Variants in ZCCHC4 observed in about 807,000 individuals in gnomAD.
ZCCHC4 encodes zinc finger CCHC-type containing 4, also known as rRNA N(6)-adenosine-methyltransferase ZCCHC4.
A neutral mutation model predicts 67.7 loss-of-function variants in ZCCHC4; 54 were observed. The observed-to-expected ratio is 0.80, with a 90% CI of 0.64 to 1.00. The LOEUF (loss-of-function observed/expected upper bound fraction) is 1.00. Ranked by LOEUF, ZCCHC4 falls within the 50% of genes least tolerant of loss-of-function variation. ZCCHC4 has a pLI of 0.00. For missense variants in ZCCHC4, 609 were observed against 617.0 expected, an observed-to-expected ratio of 0.99 and a Z score of 0.14; for synonymous variants, 198 against 213.5, an observed-to-expected ratio of 0.93 and a Z score of 0.63.
chr4:25,364,482 T>C lies in ZCCHC4; in HGVS notation c.1238T>C (p.Leu413Pro). The change falls in exon 11 of 13, where the codon CTC (leucine) becomes CCC (proline). Residue 413 changes from leucine to proline, a missense_variant. Coordinates refer to ENST00000302874, the MANE Select transcript of ZCCHC4 (RefSeq NM_024936.3). ...KDGRKWNHCF[L>P]CKKCVKPSWI... ...GGCAGGAAATGGAACCATTGCTTTC[T>C]CTGTAAAAAGTGTGTAAAGCCTTGT... 1 of 1,549,030 alleles carries C rather than the reference T, an allele frequency of 6.5e-7. No individual in the cohort carries two copies. Among genetic ancestry groups the C allele is most frequent in the Non-Finnish European group, 8.7e-7 (1 of 1,153,192 alleles).
At position 25,339,507 on chromosome 4, in the gene ZCCHC4, A is replaced by T. The variant is rs539529241; in HGVS notation, c.686+5519A>T. ...TTGAGGTTTTGTTTTGTATTCCATGATGGCTAGTAATGTTAAGCATCTTTT... is the reference window on the plus strand; with the variant it reads ...TTGAGGTTTTGTTTTGTATTCCATGTTGGCTAGTAATGTTAAGCATCTTTT... On this transcript the variant is annotated intron_variant, in intron 5 of 12. Transcript: ENST00000302874. Among the ~76,000 whole-genome samples, 150 of 152,268 alleles carry T rather than the reference A, an allele frequency of 9.9e-4. 1 individual carries two copies. Among genetic ancestry groups the T allele is most frequent in the African/African-American group, 3.4e-3 (141 of 41,542 alleles).
intron 8 of ZCCHC4, among the ~76,000 whole-genome samples, chr4:25,356,967 A>T (rs908029203): frequency 1.3e-5 from 2 of 152,202 alleles, no homozygotes; most frequent in African/African-American, 4.8e-5. Flanking sequence ...CACTAAATTC[A>T]TGACCAGCCG....
rs764899541 is a variant in ZCCHC4 at position 25,359,763 on chromosome 4, C to T, written c.1012-2096C>T. Among the ~76,000 whole-genome samples the T allele has an allele frequency of 5.3e-5, 8 of 152,212 alleles. No homozygotes were observed. Among genetic ancestry groups the T allele is most frequent in the African/African-American group, 7.2e-5 (3 of 41,458 alleles). Reference sequence around the variant, plus strand: ...CCCAAGCAGGAGAAGAATGTTTCTGCGCGACCTGGTCCCACCCTGGCACTC... The same window carrying T: ...CCCAAGCAGGAGAAGAATGTTTCTGTGCGACCTGGTCCCACCCTGGCACTC... On this transcript the variant is annotated intron_variant, in intron 8 of 12. Coordinates refer to ENST00000302874, the MANE Select transcript of ZCCHC4 (RefSeq NM_024936.3). The surrounding 1 kb of genome is among the most constrained non-coding windows in gnomAD (Gnocchi z 4.9).
Position 25,369,459 on chromosome 4 carries a change from A to T in ZCCHC4, c.*295A>T, listed in dbSNP as rs1323059615. 9.8e-6 allele frequency: 3 copies of T among 305,566 alleles called. No individual in the cohort carries two copies. The highest frequency in any genetic ancestry group is 6.8e-5 in the African/African-American group (3 of 44,018). 18.9% of individuals were successfully genotyped at this position (305,566 alleles called of 1,614,324 possible). On this transcript the variant is annotated 3_prime_UTR_variant, in exon 13 of 13. Transcript: ENST00000302874. The stretch of plus-strand genomic sequence containing the variant: ...TATGTTTTCATTTTTTTTGAGATGG[A>T]GTCTTGCTCTGTCTCCCAGGCTAGA...
At chr4:25,363,894 A>G (rs1382006538) in intron 10 of ZCCHC4, among the ~76,000 whole-genome samples, 1 of 152,184 alleles carries the variant, frequency 6.6e-6, no homozygotes, top group Non-Finnish European at 1.5e-5. Flanking sequence ...TAGTAGGAGC[A>G]TGGGGCAGTT....
At chr4:25,336,807 C>G (rs932750648) in intron 5 of ZCCHC4, among the ~76,000 whole-genome samples, 1 of 152,068 alleles carries the variant, frequency 6.6e-6, no homozygotes, top group African/African-American at 2.4e-5. Context: ...TTTTTGAGTG[C>G]CTGTTATATT....
intron 3 of ZCCHC4, among the ~76,000 whole-genome samples, chr4:25,325,007 G>T (rs183549735): frequency 6.6e-6 from 1 of 152,148 alleles, no homozygotes; most frequent in Admixed American, 6.5e-5. Context: ...ACTTTGGGAG[G>T]CCAAGGCGGG....
At chr4:25,329,249 C>G (rs974992976) in intron 3 of ZCCHC4, among the ~76,000 whole-genome samples, 1 of 152,044 alleles carries the variant, frequency 6.6e-6, no homozygotes, top group African/African-American at 2.4e-5. Context: ...CTTCATGTTT[C>G]TTGTACTGTG....
chr4:25,334,163 C>T (rs764607403), intron 5 of ZCCHC4, among the ~76,000 whole-genome samples, 175 bp downstream of exon 5: 2 of 152,162 alleles, frequency 1.3e-5, no homozygotes, highest in Non-Finnish European at 2.9e-5. Flanking sequence ...GTATTTCAAA[C>T]AGGGAGGCAG....
intron 12 of ZCCHC4, chr4:25,366,223 CATTT>C: frequency 1.1e-6 from 1 of 938,864 alleles, no homozygotes; most frequent in South Asian, 4.9e-5. Context: ...CTCGTTCCTA[CATTT>C]ACTCTACTTT....
At position 25,369,087 on chromosome 4, in the gene ZCCHC4, G is replaced by A. The variant is rs745550180; in HGVS notation, c.1465G>A (p.Gly489Arg). 7 of 1,613,818 alleles carry A rather than the reference G, an allele frequency of 4.3e-6. No homozygotes were observed. Among genetic ancestry groups the A allele is most frequent in the Non-Finnish European group, 5.9e-6 (7 of 1,179,946 alleles). ...SNKMKMETTK[G>R]QSMNHTSATR... ...TAAGATGAAAATGGAGACCACGAAA[G>A]GACAATCCATGAATCATACATCTGC... is the stretch of plus-strand genomic sequence containing the variant. The change falls in exon 13 of 13, where the codon GGA (glycine) becomes AGA (arginine). Residue 489 changes from glycine (G) to arginine (R), a missense_variant. Transcript: ENST00000302874.
rs535520614 is a variant in ZCCHC4 at position 25,369,246 on chromosome 4, T to C, written c.*82T>C. On this transcript the variant is annotated 3_prime_UTR_variant, in exon 13 of 13. Transcript: ENST00000302874. ...CTGAAAGTGCCACACTGGACTTAAA[T>C]TCAGCTGCTTCCAGAGGTGTGCACC... 7 of 1,578,216 alleles carry C rather than the reference T, an allele frequency of 4.4e-6. No homozygotes were observed. The South Asian group carries it at 8.2e-5, about 19-fold the overall frequency.
intron 5 of ZCCHC4, among the ~76,000 whole-genome samples, chr4:25,342,354 A>T (rs1369479464): frequency 6.6e-6 from 1 of 152,168 alleles, no homozygotes; most frequent in Non-Finnish European, 1.5e-5. Flanking sequence ...CAACAGGTTT[A>T]TCCAAGGTTG....
chr4:25,343,502 G>GTA (rs140550705), intron 5 of ZCCHC4, among the ~76,000 whole-genome samples: 202 of 152,282 alleles, frequency 1.3e-3, no homozygotes, highest in African/African-American at 4.6e-3. Context: ...TAACATTTTA[G>GTA]TATATGCTAT....
At chr4:25,357,200 A>C (rs1420542346) in intron 8 of ZCCHC4, among the ~76,000 whole-genome samples, 1 of 152,238 alleles carries the variant, frequency 6.6e-6, no homozygotes, top group East Asian at 1.9e-4. Context: ...TAGAATAGCT[A>C]TCAGATCCTC....
At chr4:25,357,313 C>T (rs1398613177) in intron 8 of ZCCHC4, among the ~76,000 whole-genome samples, 2 of 152,216 alleles carry the variant, frequency 1.3e-5, no homozygotes, top group Non-Finnish European at 2.9e-5. Context: ...ATCAACGTCT[C>T]TCCTGAAATG....
At chr4:25,355,205 G>T (rs905585934) in intron 8 of ZCCHC4, among the ~76,000 whole-genome samples, 3 of 152,180 alleles carry the variant, frequency 2.0e-5, no homozygotes, top group South Asian at 2.1e-4. Context: ...CAAGTCAGAA[G>T]TCTGAGTCCT....
chr4:25,343,029 C>T (rs1228934191), intron 5 of ZCCHC4, among the ~76,000 whole-genome samples: 1 of 151,980 alleles, frequency 6.6e-6, no homozygotes, highest in Non-Finnish European at 1.5e-5. Flanking sequence ...TTGTATTTTC[C>T]TTTGGTCGTA....
Position 25,362,210 on chromosome 4 carries a change from CT to C in ZCCHC4, c.1134-15del. 1 of 1,599,464 alleles carries C rather than the reference CT, an allele frequency of 6.3e-7. No homozygotes were observed. Among genetic ancestry groups the C allele is most frequent in the Non-Finnish European group, 8.5e-7 (1 of 1,171,190 alleles). On this transcript the variant is annotated splice_polypyrimidine_tract_variant and intron_variant, in intron 9 of 12. Coordinates refer to ENST00000302874, the MANE Select transcript of ZCCHC4 (RefSeq NM_024936.3). ...CAATAAATGTATGCAGCTGATTTCT[CT>C]GTCCTTTACTCTAGATTTTGCTCTC...
Sources: gnomAD v4.1 joint callset for allele counts (sites outside exome capture counted in the v4.1 genomes callset) on GRCh38, gnomAD v4.1.1 for gene constraint, Gnocchi (gnomAD v3.1) non-coding constraint, MANE v1.5 for transcripts, NCBI Gene and HGNC (gene_info 2026-07-23, HGNC 2026-07-21) for gene names.